Variants in IL1RAPL1 observed in about 807,000 individuals in gnomAD.
IL1RAPL1 encodes interleukin-1 receptor accessory protein-like 1.
In IL1RAPL1, 3 loss-of-function variants were observed where a neutral mutation model predicts 48.4. That is an observed-to-expected ratio of 0.06 (90% confidence interval 0.03 to 0.16). The LOEUF (loss-of-function observed/expected upper bound fraction) is 0.16. IL1RAPL1 is among the 10% of genes least tolerant of loss of function. IL1RAPL1 has a pLI of 1.00. For missense variants in IL1RAPL1, 349 were observed against 530.6 expected (o/e 0.66, Z 3.36); for synonymous variants, 185 against 187.7 (o/e 0.99, Z 0.12).
At chrX:29,843,574 G>A (rs1238892031) in intron 6 of IL1RAPL1, among the ~76,000 whole-genome samples, 2 of 111,305 alleles carry the variant, frequency 1.8e-5, no homozygotes, top group East Asian at 5.7e-4. Flanking sequence ...TCCAAAATCA[G>A]TTTTACAGGG....
chrX:29,938,622 C>T (rs1601892152), intron 8 of IL1RAPL1, among the ~76,000 whole-genome samples: 1 of 112,292 alleles, frequency 8.9e-6, no homozygotes, highest in African/African-American at 3.2e-5. Context: ...TAATATAAAG[C>T]GTGTAGCTCT....
intron 1 of IL1RAPL1, among the ~76,000 whole-genome samples, chrX:28,779,944 A>T (rs971224675): frequency 1.8e-5 from 2 of 109,330 alleles, no homozygotes; most frequent in Non-Finnish European, 3.8e-5. Context: ...TGGAGTTGTC[A>T]AAGAACCACA....
chrX:29,430,520 C>T (rs969825216), intron 5 of IL1RAPL1, among the ~76,000 whole-genome samples: 2 of 109,620 alleles, frequency 1.8e-5, no homozygotes, highest in African/African-American at 6.7e-5. Context: ...TTCAAAGGCA[C>T]AATATAAGGA....
intron 2 of IL1RAPL1, among the ~76,000 whole-genome samples, chrX:28,912,406 AATTTGG>A (rs754946528): frequency 4.7e-4 from 52 of 110,956 alleles, no homozygotes; most frequent in South Asian, 1.9e-3. Context: ...GATGTGGCAG[AATTTGG>A]ATTTTATTCC....
At chrX:29,590,660 C>A (rs776679382) in intron 5 of IL1RAPL1, among the ~76,000 whole-genome samples, 6 of 111,783 alleles carry the variant, frequency 5.4e-5, no homozygotes, top group Non-Finnish European at 1.1e-4. Context: ...GTAACAGGGG[C>A]TCATCCAAGG....
At chrX:29,764,510 A>G (rs1282084035) in intron 6 of IL1RAPL1, among the ~76,000 whole-genome samples, 1 of 111,767 alleles carries the variant, frequency 8.9e-6, no homozygotes, top group African/African-American at 3.3e-5. Flanking sequence ...CTTAATTTGA[A>G]TTGTTCATAT....
intron 2 of IL1RAPL1, among the ~76,000 whole-genome samples, chrX:28,843,996 C>T (rs924523521): frequency 1.1e-4 from 12 of 109,687 alleles, no homozygotes; most frequent in African/African-American, 4.0e-4. Context: ...TCCCTGCTTT[C>T]GCTATTGAGC....
chrX:29,669,630 C>G (rs1292663790), intron 6 of IL1RAPL1, among the ~76,000 whole-genome samples: 1 of 111,476 alleles, frequency 9.0e-6, no homozygotes, highest in Non-Finnish European at 1.9e-5. Context: ...ACTTGAAATG[C>G]TTATATTTGC....
intron 5 of IL1RAPL1, among the ~76,000 whole-genome samples, chrX:29,515,334 A>G (rs1449786779): frequency 8.9e-6 from 1 of 112,204 alleles, no homozygotes; most frequent in Admixed American, 9.4e-5. Flanking sequence ...TGAAATTGAC[A>G]TAGTCAAGAT....
At chrX:29,728,591 C>G (rs1213912710) in intron 6 of IL1RAPL1, among the ~76,000 whole-genome samples, 3 of 112,365 alleles carry the variant, frequency 2.7e-5, no homozygotes, top group African/African-American at 9.7e-5. Flanking sequence ...ACTGAAGCCT[C>G]ACAACCTCCC....
chrX:28,739,088 A>G (rs1935878180), intron 1 of IL1RAPL1, among the ~76,000 whole-genome samples: 1 of 111,154 alleles, frequency 9.0e-6, no homozygotes. Flanking sequence ...AGATACCTAC[A>G]CAGCATTCCT....
At chrX:28,958,168 A>G (rs893820137) in intron 2 of IL1RAPL1, among the ~76,000 whole-genome samples, 1 of 110,363 alleles carries the variant, frequency 9.1e-6, no homozygotes, top group Non-Finnish European at 1.9e-5. Context: ...TTTAAAGAAT[A>G]TATTGATATT....
At chrX:29,368,940 T>TTGC (rs749299402) in intron 3 of IL1RAPL1, 74 of 118,017 alleles carry the variant, frequency 6.3e-4, no homozygotes, top group East Asian at 1.3e-3. Flanking sequence ...CTATCTTCTG[T>TTGC]TGCTGCTGCT....
At chrX:28,684,853 T>G (rs977833264) in intron 1 of IL1RAPL1, among the ~76,000 whole-genome samples, 2 of 112,266 alleles carry the variant, frequency 1.8e-5, no homozygotes, top group Non-Finnish European at 3.8e-5. Flanking sequence ...ACTTGTGGTT[T>G]TAATTTAATT....
intron 3 of IL1RAPL1, among the ~76,000 whole-genome samples, chrX:29,359,572 T>C (rs1933349931): frequency 8.9e-6 from 1 of 111,881 alleles, no homozygotes; most frequent in Non-Finnish European, 1.9e-5. Context: ...ATTTACATGG[T>C]TTTTTGTGTG....
At position 29,319,554 on chromosome X, in the gene IL1RAPL1, G is replaced by GTATCTATCTATC. The variant is rs529502758; in HGVS notation, c.362+36340_362+36341insCTATCTATCTAT. ...TGTATGTATGTATGTATGTATGTAT[G>GTATCTATCTATC]TATGTATCTATCTATCTATCTATCC... On this transcript the variant is annotated intron_variant, in intron 3 of 10. Transcript: ENST00000378993. 8.4e-3 allele frequency among the ~76,000 whole-genome samples: 716 copies of GTATCTATCTATC among 84,905 alleles called. 6 individuals carry two copies. The highest frequency in any genetic ancestry group is 0.012 in the Non-Finnish European group (513 of 42,926). The allele number at this position is 84,905 out of a possible 115,157, so 73.7% of individuals were successfully genotyped here.
intron 2 of IL1RAPL1, among the ~76,000 whole-genome samples, chrX:28,840,986 A>T (rs762045521): frequency 9.0e-6 from 1 of 111,678 alleles, no homozygotes; most frequent in African/African-American, 3.2e-5. Flanking sequence ...CAATAGACAT[A>T]CTGAATATTA....
intron 2 of IL1RAPL1, among the ~76,000 whole-genome samples, chrX:28,882,579 G>T (rs1448018490): frequency 8.9e-6 from 1 of 111,766 alleles, no homozygotes; most frequent in East Asian, 2.8e-4. Context: ...AAAGGTGGAG[G>T]TTGCGGTGAG....
intron 2 of IL1RAPL1, among the ~76,000 whole-genome samples, chrX:29,194,698 A>G (rs1930411179): frequency 8.9e-6 from 1 of 112,229 alleles, no homozygotes. Context: ...CTTGGGTATG[A>G]AATGGTAATT....
Sources: allele counts gnomAD v4.1 joint callset (sites outside exome capture counted in the v4.1 genomes callset), GRCh38; gene constraint gnomAD v4.1.1; transcripts MANE v1.5; gene names NCBI Gene and HGNC (gene_info 2026-07-23, HGNC 2026-07-21).